The following FCN1 variants were observed in gnomAD, a reference collection of about 807,000 sequenced individuals.
FCN1 encodes ficolin-1.
In FCN1, 42 loss-of-function variants were observed where a neutral mutation model predicts 35.6. That is an observed-to-expected ratio of 1.18 (90% confidence interval 0.92 to 1.53). The LOEUF (loss-of-function observed/expected upper bound fraction) is 1.53. FCN1 is among the 40% of genes most tolerant of loss of function. The pLI is 0.00. For missense variants in FCN1, 439 were observed against 428.4 expected (o/e 1.02, Z -0.22); for synonymous variants, 179 against 169.8 (o/e 1.05, Z -0.42).
At position 134,917,779 on chromosome 9, in the gene FCN1, G is replaced by A. The variant is rs1588154395; in HGVS notation, c.93C>T (p.Asp31=). The change falls in exon 1 of 9, where the codon GAC becomes GAT. Residue 31 remains aspartate (D), a synonymous_variant. Coordinates refer to ENST00000371806, the MANE Select transcript of FCN1 (RefSeq NM_002003.5). The part of the protein sequence containing the change: ...HIKNLPAQAA[D]TCPEVKVVGL... Reference sequence around the variant, plus strand: ...CCAGGTCTGTCTCACCTGGACATGTGTCCGCAGCCTGGGCAGGCAGGTTCT... The same window carrying A: ...CCAGGTCTGTCTCACCTGGACATGTATCCGCAGCCTGGGCAGGCAGGTTCT... 1 of 1,612,794 alleles carries A rather than the reference G, an allele frequency of 6.2e-7. No homozygotes were observed. Among genetic ancestry groups the A allele is most frequent in the South Asian group, 1.1e-5 (1 of 91,054 alleles).
intron 8 of FCN1, among the ~76,000 whole-genome samples, chr9:134,910,760 A>G (rs1471901512): frequency 1.3e-5 from 2 of 152,168 alleles, no homozygotes; most frequent in Non-Finnish European, 2.9e-5. Context: ...GCCTCCCCAG[A>G]TCGTGTAGCC....
Position 134,904,222 on chromosome 9 carries a change from A to C in FCN1, c.*5576T>G, listed in dbSNP as rs1385162977. Reference sequence around the variant, plus strand: ...CCAGGCACCTTGTAGTAAAACTATCAAGGCAAAGAAAAAAAATTTTATAAA... The same window carrying C: ...CCAGGCACCTTGTAGTAAAACTATCCAGGCAAAGAAAAAAAATTTTATAAA... On this transcript the variant is annotated 3_prime_UTR_variant, in exon 9 of 9. Coordinates refer to ENST00000371806, the MANE Select transcript of FCN1 (RefSeq NM_002003.5). Among the ~76,000 whole-genome samples, 1 of 152,216 alleles carries C rather than the reference A, an allele frequency of 6.6e-6. No individual in the cohort carries two copies. Among genetic ancestry groups the C allele is most frequent in the Admixed American group, 6.5e-5 (1 of 15,288 alleles).
chr9:134,914,879 C>T (rs1369080295), intron 2 of FCN1, 70 bp from the exon 3 acceptor site: 1 of 1,314,226 alleles, frequency 7.6e-7, no homozygotes, highest in Admixed American at 1.9e-5. Context: ...ATCTTTGCCC[C>T]AAGTGGTTAA....
chr9:134,905,546 C>T lies in FCN1; in HGVS notation c.*4252G>A, dbSNP rs1040316447. Among the ~76,000 whole-genome samples, 6 of 151,964 alleles carry T rather than the reference C, an allele frequency of 3.9e-5. No individual in the cohort carries two copies. The South Asian group carries it at 6.2e-4, about 16-fold the overall frequency. On this transcript the variant is annotated 3_prime_UTR_variant, in exon 9 of 9. Transcript: ENST00000371806. ...TCGCCCAGGCTGGAGTGCAGTGGTG[C>T]GATCTCGGCTCACTTCAACCTCTGC...
Position 134,914,400 on chromosome 9 carries a change from T to C in FCN1, c.292A>G (p.Met98Val), listed in dbSNP as rs1023978808. The C allele has an allele frequency of 8.1e-6, 13 of 1,614,046 alleles. No individual in the cohort carries two copies. Among genetic ancestry groups the C allele is most frequent in the Non-Finnish European group, 1.1e-5 (13 of 1,179,942 alleles). The part of the protein sequence containing the change: ...GPKGDRGEKG[M>V]RGEKGDAGQS... ...GGTGGCTCACCTTTCTCTCCACGCA[T>C]CCCCTTCTCTCCTCGGTCTCCTGGA... The change falls in exon 4 of 9, where the codon ATG (methionine) becomes GTG (valine). Residue 98 changes from methionine to valine, a missense_variant. Transcript: ENST00000371806.
At chr9:134,916,587 G>C (rs554219792) in intron 1 of FCN1, 126 bp from the exon 2 acceptor site, 2 of 926,224 alleles carry the variant, frequency 2.2e-6, no homozygotes, top group African/African-American at 1.6e-5. Flanking sequence ...GAGATGTGAT[G>C]GGGGGCAGAG....
In FCN1 at chr9:134,911,201, G is replaced by A. The variant is rs866896940; in HGVS notation, c.665C>T (p.Ser222Leu). 6.2e-7 allele frequency: 1 copy of A among 1,613,974 alleles called. No individual in the cohort carries two copies. Among genetic ancestry groups the A allele is most frequent in the East Asian group, 2.2e-5 (1 of 44,892 alleles). The change falls in exon 8 of 9, where the codon TCA becomes TTA. Residue 222 changes from serine to leucine, a missense_variant. Coordinates refer to ENST00000371806, the MANE Select transcript of FCN1 (RefSeq NM_002003.5). Reference sequence around the variant, plus strand: ...CTCTGCCTCGTCAGCCACCTTGAATGATTTGTACTTAGCAAACTGGTGGTT... The same window carrying A: ...CTCTGCCTCGTCAGCCACCTTGAATAATTTGTACTTAGCAAACTGGTGGTT... Reference protein sequence around the residue: ...EGNHQFAKYKSFKVADEAEKY... With the variant: ...EGNHQFAKYKLFKVADEAEKY...
Position 134,912,521 on chromosome 9 carries a change from A to C in FCN1, c.563T>G (p.Leu188Arg), listed in dbSNP as rs1198158956. The change falls in exon 7 of 9, where the codon CTG becomes CGG. Residue 188 changes from leucine (L) to arginine (R), a missense_variant. Physicochemically the swap from Leu to Arg is moderately radical, Grantham distance 102. Transcript: ENST00000371806. ...GFGSQLGEFW[L>R]GNDNIHALTA... ...CAGGGCGTGGATGTTGTCATTCCCC[A>C]GCCAGAACTCCCCCAGCTGACTGCC... 1.2e-6 allele frequency: 2 copies of C among 1,613,994 alleles called. No individual in the cohort carries two copies. The highest frequency in any genetic ancestry group is 1.7e-6 in the Non-Finnish European group (2 of 1,179,942).
Position 134,909,315 on chromosome 9 carries a change from T to C in FCN1, c.*483A>G. On this transcript the variant is annotated 3_prime_UTR_variant, in exon 9 of 9. Transcript: ENST00000371806. The stretch of plus-strand genomic sequence containing the variant: ...TTTCTGGACCCCAAAGTGACCTTTT[T>C]CAAGAAGTGTGAAGTGTTGTGAGTG... 7.8e-7 allele frequency: 1 copy of C among 1,289,224 alleles called. No homozygotes were observed. Among genetic ancestry groups the C allele is most frequent in the African/African-American group, 1.5e-5 (1 of 65,826 alleles). The allele number at this position is 1,289,224 out of a possible 1,614,324, so 79.9% of individuals were successfully genotyped here.
intron 7 of FCN1, among the ~76,000 whole-genome samples, 159 bp downstream of exon 7, chr9:134,912,327 G>A (rs1347127213): frequency 6.6e-6 from 1 of 152,192 alleles, no homozygotes; most frequent in Non-Finnish European, 1.5e-5. Context: ...CAGAGCCTGC[G>A]GCAGGGGACG....
Position 134,905,730 on chromosome 9 carries a change from C to T in FCN1, c.*4068G>A, listed in dbSNP as rs969650355. 2.0e-5 allele frequency among the ~76,000 whole-genome samples: 3 copies of T among 151,496 alleles called. No homozygotes were observed. Among genetic ancestry groups the T allele is most frequent in the African/African-American group, 7.3e-5 (3 of 41,052 alleles). ...TGATCTCCTGACCTTGTGATCCGCC[C>T]GCCTCGGCCTCCCAAAGTGCTGGGA... On this transcript the variant is annotated 3_prime_UTR_variant, in exon 9 of 9. Transcript: ENST00000371806.
chr9:134,910,127 C>T, intron 8 of FCN1, 82 bp from the exon 9 acceptor site: 1 of 1,277,118 alleles, frequency 7.8e-7, no homozygotes, highest in Non-Finnish European at 1.1e-6. Context: ...TGCCTCTGAG[C>T]AGAGCCAACC....
At chr9:134,916,214 C>T (rs1831089357) in intron 2 of FCN1, 134 bp downstream of exon 2, 2 of 729,288 alleles carry the variant, frequency 2.7e-6, no homozygotes, top group East Asian at 4.9e-5. Flanking sequence ...GTTCCTGGCT[C>T]TAGCAGGGGC....
chr9:134,909,523 C>T lies in FCN1; in HGVS notation c.*275G>A. 7.3e-7 allele frequency: 1 copy of T among 1,372,210 alleles called. No individual in the cohort carries two copies. Among genetic ancestry groups the T allele is most frequent in the Non-Finnish European group, 9.6e-7 (1 of 1,042,616 alleles). 85.0% of individuals were successfully genotyped at this position (1,372,210 alleles called of 1,614,324 possible). ...TTCCAGGGAAAGACCTGCCGTGCAACAGACACAGGAAAGTGATCAAAACCA... is the reference window on the plus strand; with the variant it reads ...TTCCAGGGAAAGACCTGCCGTGCAATAGACACAGGAAAGTGATCAAAACCA... On this transcript the variant is annotated 3_prime_UTR_variant, in exon 9 of 9. Coordinates refer to ENST00000371806, the MANE Select transcript of FCN1 (RefSeq NM_002003.5).
chr9:134,906,397 A>G lies in FCN1; in HGVS notation c.*3401T>C, dbSNP rs1830958108. 6.6e-6 allele frequency: 1 copy of G among 152,232 alleles called. No homozygotes were observed. Among genetic ancestry groups the G allele is most frequent in the Admixed American group, 6.5e-5 (1 of 15,280 alleles). 9.4% of individuals were successfully genotyped at this position (152,232 alleles called of 1,614,324 possible). A position where few individuals can be genotyped will look rare whatever the true frequency, so the allele number is the denominator to read the frequency against. The stretch of plus-strand genomic sequence containing the variant: ...CACCTTTTTAGAGCTTTTGGATACC[A>G]TAAATTTAGTTCTTTAAATAACTTC... On this transcript the variant is annotated 3_prime_UTR_variant, in exon 9 of 9. Transcript: ENST00000371806.
At chr9:134,916,511 G>A (rs771124191) in intron 1 of FCN1, 50 bp from the exon 2 acceptor site, 5 of 1,559,450 alleles carry the variant, frequency 3.2e-6, no homozygotes, top group Non-Finnish European at 4.4e-6. Context: ...ACAGTGGCTG[G>A]GAAGTGAGGT....
At chr9:134,916,588 G>C in intron 1 of FCN1, 127 bp from the exon 2 acceptor site, 1 of 927,590 alleles carries the variant, frequency 1.1e-6, no homozygotes, top group Non-Finnish European at 1.7e-6. Flanking sequence ...AGATGTGATG[G>C]GGGGCAGAGC....
At chr9:134,913,843 C>T (rs1309245393) in intron 4 of FCN1, among the ~76,000 whole-genome samples, 2 of 152,322 alleles carry the variant, frequency 1.3e-5, no homozygotes, top group Non-Finnish European at 1.5e-5. Context: ...GCTTGGTGGG[C>T]TGTGGCAGGC....
intron 6 of FCN1, 72 bp from the exon 7 acceptor site, chr9:134,912,687 A>T: frequency 6.3e-7 from 1 of 1,599,796 alleles, no homozygotes; most frequent in Non-Finnish European, 8.6e-7. Context: ...CCCGCCCTCC[A>T]GAGGAGCAGC....
Sources: allele counts gnomAD v4.1 joint callset (sites outside exome capture counted in the v4.1 genomes callset), GRCh38; gene constraint gnomAD v4.1.1; transcripts MANE v1.5; gene names NCBI Gene and HGNC (gene_info 2026-07-23, HGNC 2026-07-21).